PCBD2: variants seen among roughly 807,000 people sequenced by gnomAD.
The protein encoded by PCBD2 is pterin-4 alpha-carbinolamine dehydratase 2, also known as pterin-4-alpha-carbinolamine dehydratase 2.
Under a neutral mutation model 16.4 loss-of-function variants are expected in PCBD2, and 12 were observed. The ratio of observed to expected loss-of-function variants is 0.73; its 90% CI spans 0.47 to 1.19. The LOEUF is 1.19. Ranked by LOEUF, PCBD2 falls within the 50% of genes most tolerant of loss-of-function variation. PCBD2 has a pLI of 0.00. For missense variants in PCBD2, 138 were observed against 156.8 expected (o/e 0.88, Z 0.64); for synonymous variants, 58 against 61.8 (o/e 0.94, Z 0.29).
At chr5:134,951,985 G>T (rs1050999137) in intron 2 of PCBD2, among the ~76,000 whole-genome samples, 1 of 152,028 alleles carries the variant, frequency 6.6e-6, no homozygotes, top group African/African-American at 2.4e-5. Flanking sequence ...AATTTTTCGT[G>T]TAGTAAGATT....
rs201654335 is a variant in PCBD2, at chr5:134,910,376, A to G, written c.126A>G (p.Gln42=). The change falls in exon 2 of 4, where the codon CAA becomes CAG. Residue 42 remains glutamine (Q), a synonymous_variant. Coordinates refer to ENST00000254908, the MANE Select transcript of PCBD2 (RefSeq NM_032151.5). ...THRLTAEERN[Q]AILDLKAAGW... is the part of the protein sequence containing the mutation. ...GGTTGACTGCAGAGGAGAGGAACCA[A>G]GCTATACTTGACCTTAAAGCAGCAG... 1.9e-6 allele frequency: 3 copies of G among 1,614,076 alleles called. No homozygotes were observed. The highest frequency in any genetic ancestry group is 2.5e-6 in the Non-Finnish European group (3 of 1,179,894).
At chr5:134,930,116 G>A (rs573500632) in intron 2 of PCBD2, among the ~76,000 whole-genome samples, 3 of 152,194 alleles carry the variant, frequency 2.0e-5, no homozygotes, top group Admixed American at 6.5e-5. Flanking sequence ...GGGTGACAAC[G>A]AACTAGTGGC....
chr5:134,909,552 C>T (rs1300350471), intron 1 of PCBD2, among the ~76,000 whole-genome samples: 2 of 152,226 alleles, frequency 1.3e-5, no homozygotes, highest in Non-Finnish European at 2.9e-5. Context: ...CCCCTTACTG[C>T]TGCCTCAAAC....
At chr5:134,936,217 C>T (rs1418795848) in intron 2 of PCBD2, among the ~76,000 whole-genome samples, 12 of 152,182 alleles carry the variant, frequency 7.9e-5, no homozygotes, top group Non-Finnish European at 2.9e-5. Context: ...CTTGGGTGCC[C>T]TGTTTGTGAC....
intron 2 of PCBD2, chr5:134,925,872 T>C (rs1157656142): frequency 2.5e-6 from 1 of 393,660 alleles, no homozygotes; most frequent in East Asian, 3.6e-5. Flanking sequence ...GTTGTGGGTC[T>C]CATGAGTTGG....
intron 2 of PCBD2, among the ~76,000 whole-genome samples, chr5:134,957,817 T>C (rs1234672817): frequency 6.6e-6 from 1 of 152,230 alleles, no homozygotes. Context: ...CATGGTCAAA[T>C]GGATTTTGCT....
intron 2 of PCBD2, chr5:134,926,790 C>T (rs1157750288): frequency 2.5e-6 from 1 of 397,756 alleles, no homozygotes; most frequent in East Asian, 3.6e-5. Flanking sequence ...GAGCGAGCCT[C>T]ATTGTGTTGT....
rs929520238 is a variant in PCBD2 at position 134,917,474 on chromosome 5, T to C, written c.216+7008T>C. On this transcript the variant is annotated intron_variant, in intron 2 of 3. Coordinates refer to ENST00000254908, the MANE Select transcript of PCBD2 (RefSeq NM_032151.5). ...GGACATGAGGAGTTTCCAATGGTGA[T>C]TCAGGAGGAAGGGACCAAGCTTTGT... Among the ~76,000 whole-genome samples, 4 of 152,184 alleles carry C rather than the reference T, an allele frequency of 2.6e-5. No individual in the cohort carries two copies. The South Asian group carries it at 6.2e-4, about 24-fold the overall frequency.
At chr5:134,932,191 A>G (rs1751106472) in intron 2 of PCBD2, among the ~76,000 whole-genome samples, 1 of 151,894 alleles carries the variant, frequency 6.6e-6, no homozygotes, top group Non-Finnish European at 1.5e-5. Flanking sequence ...TCTTTTTATT[A>G]TTTTTTAAGA....
intron 2 of PCBD2, among the ~76,000 whole-genome samples, chr5:134,933,246 T>C (rs1580887432): frequency 6.6e-6 from 1 of 152,182 alleles, no homozygotes; most frequent in Non-Finnish European, 1.5e-5. Flanking sequence ...ATTTTTTGTT[T>C]TGTTTTTTGA....
At chr5:134,931,428 A>G (rs1228068630) in intron 2 of PCBD2, among the ~76,000 whole-genome samples, 4 of 152,198 alleles carry the variant, frequency 2.6e-5, no homozygotes, top group Non-Finnish European at 5.9e-5. Context: ...TTTATGAACT[A>G]ATGAGTGTTT....
chr5:134,917,424 G>C (rs944496285), intron 2 of PCBD2, among the ~76,000 whole-genome samples: 7 of 152,344 alleles, frequency 4.6e-5, no homozygotes, highest in African/African-American at 1.7e-4. Context: ...CTGGGCGCTT[G>C]GGTGAATGAT....
chr5:134,926,704 G>T, intron 2 of PCBD2: 1 of 397,194 alleles, frequency 2.5e-6, no homozygotes, highest in South Asian at 1.3e-4. Context: ...GATAGGAGGA[G>T]GATAGGGGAT....
rs564882070 is a variant in PCBD2, at chr5:134,911,856, G to A, written c.216+1390G>A. ...ACAGCTCTTGTTAGGGGCTTAGCACGCTGTGGCTGGTGGCAGGGAATCCCA... is the reference window on the plus strand; with the variant it reads ...ACAGCTCTTGTTAGGGGCTTAGCACACTGTGGCTGGTGGCAGGGAATCCCA... On this transcript the variant is annotated intron_variant, in intron 2 of 3. Coordinates refer to ENST00000254908, the MANE Select transcript of PCBD2 (RefSeq NM_032151.5). 3.0e-3 allele frequency among the ~76,000 whole-genome samples: 455 copies of A among 152,354 alleles called. 1 individual carries two copies. The highest frequency in any genetic ancestry group is 5.1e-3 in the Non-Finnish European group (347 of 68,040).
At chr5:134,949,574 C>T (rs759840702) in intron 2 of PCBD2, among the ~76,000 whole-genome samples, 1 of 152,064 alleles carries the variant, frequency 6.6e-6, no homozygotes, top group Non-Finnish European at 1.5e-5. Flanking sequence ...TCTGACAGTC[C>T]AGAGAAAAAA....
At chr5:134,907,743 C>T (rs932402204) in intron 1 of PCBD2, among the ~76,000 whole-genome samples, 24 of 151,398 alleles carry the variant, frequency 1.6e-4, no homozygotes, top group African/African-American at 5.6e-4. Flanking sequence ...CTTCCTCAGC[C>T]TCCTGAGTAG....
At chr5:134,939,569 A>G (rs1229460912) in intron 2 of PCBD2, among the ~76,000 whole-genome samples, 3 of 152,186 alleles carry the variant, frequency 2.0e-5, no homozygotes, top group African/African-American at 4.8e-5. Flanking sequence ...CCATGTACAG[A>G]CAACCTCCAT....
At chr5:134,948,069 G>C (rs1751319117) in intron 2 of PCBD2, among the ~76,000 whole-genome samples, 2 of 151,874 alleles carry the variant, frequency 1.3e-5, no homozygotes, top group South Asian at 4.1e-4. Context: ...CTCTGGTAAG[G>C]GGCTTCTCTT....
At chr5:134,956,588 C>G (rs982837980) in intron 2 of PCBD2, among the ~76,000 whole-genome samples, 5 of 152,200 alleles carry the variant, frequency 3.3e-5, no homozygotes, top group Admixed American at 6.5e-5. Flanking sequence ...TGACTGTGCA[C>G]TCATAATTTC....
Sources: gnomAD v4.1 joint callset for allele counts (sites outside exome capture counted in the v4.1 genomes callset) on GRCh38, gnomAD v4.1.1 for gene constraint, MANE v1.5 for transcripts, NCBI Gene and HGNC (gene_info 2026-07-23, HGNC 2026-07-21) for gene names.